TOM1L1: variants seen among roughly 807,000 people sequenced by gnomAD.
The protein encoded by TOM1L1 is target of myb1 like 1 membrane trafficking protein, also known as TOM1-like protein 1.
TOM1L1 carries 64 observed loss-of-function variants against 63.4 expected under a neutral mutation model. The observed-to-expected ratio is 1.01, with a 90% CI of 0.83 to 1.24. The LOEUF is 1.24. Ranked by LOEUF, TOM1L1 falls within the 50% of genes most tolerant of loss-of-function variation. TOM1L1 has a pLI of 0.00. For synonymous variants in TOM1L1, 166 were observed against 194.4 expected (o/e 0.85, Z 1.22); for missense variants, 536 against 567.0 (o/e 0.95, Z 0.55).
At chr17:54,912,928 G>A in intron 4 of TOM1L1, 113 bp downstream of exon 4, 4 of 978,892 alleles carry the variant, frequency 4.1e-6, no homozygotes, top group Non-Finnish European at 5.4e-6. Context: ...AGCTAGAAAA[G>A]CATTTTTGCT....
Position 54,930,093 on chromosome 17 carries a change from G to A in TOM1L1, c.741G>A (p.Arg247=), listed in dbSNP as rs370770986. The A allele has an allele frequency of 5.0e-6, 8 of 1,614,122 alleles. 1 individual carries two copies. In the African/African-American group the frequency reaches 9.3e-5, roughly 19 times the overall value. The change falls in exon 8 of 16, where the codon CGG becomes CGA. Residue 247 remains arginine (R), a synonymous_variant. Transcript: ENST00000575882. ...ELLQKLYKTG[R]EMQERIMDLL... ...GACAGAAACTCTATAAAACAGGTCGGGAGATGCAGGAGAGGATCATGGACC... is the reference window on the plus strand; with the variant it reads ...GACAGAAACTCTATAAAACAGGTCGAGAGATGCAGGAGAGGATCATGGACC...
chr17:54,920,713 C>T (rs1464200128), intron 7 of TOM1L1, among the ~76,000 whole-genome samples: 4 of 152,200 alleles, frequency 2.6e-5, no homozygotes, highest in Non-Finnish European at 5.9e-5. Context: ...GCCGCTAAGT[C>T]AGGAGCAGGG....
At position 54,936,700 on chromosome 17, in the gene TOM1L1, A is replaced by G. The variant is rs1297185765; in HGVS notation, c.906A>G (p.Glu302=). ...TGGAGCAAAATAAGAACCAGAAGGA[A>G]GCCACCAATGTAAGTGATGAGAAAT... ...RILEQNKNQK[E]ATNTTSEPSA... The change falls in exon 9 of 16, where the codon GAA becomes GAG. Residue 302 remains glutamate (E), a synonymous_variant. Transcript: ENST00000575882. 1.2e-6 allele frequency: 2 copies of G among 1,608,410 alleles called. No homozygotes were observed. The highest frequency in any genetic ancestry group is 3.4e-5 in the Admixed American group (2 of 58,340).
intron 14 of TOM1L1, 59 bp downstream of exon 14, chr17:54,950,185 G>C (rs2049194796): frequency 6.8e-6 from 9 of 1,321,538 alleles, no homozygotes; most frequent in African/African-American, 1.5e-5. Flanking sequence ...TGATAGCAGA[G>C]CTAACAGGGC....
intron 2 of TOM1L1, among the ~76,000 whole-genome samples, chr17:54,904,568 A>C (rs1253761439): frequency 6.6e-6 from 1 of 152,200 alleles, no homozygotes; most frequent in African/African-American, 2.4e-5. Context: ...TCCCTGTCCC[A>C]GGACAATTTT....
chr17:54,908,556 C>T (rs78745336), intron 3 of TOM1L1, among the ~76,000 whole-genome samples: 4,206 of 152,160 alleles, frequency 0.028, 138 homozygotes, highest in African/African-American at 0.077. Context: ...CTGTCAAATT[C>T]GATTATAAAT....
chr17:54,955,460 A>G (rs2049453004), intron 14 of TOM1L1, among the ~76,000 whole-genome samples: 1 of 152,164 alleles, frequency 6.6e-6, no homozygotes, highest in African/African-American at 2.4e-5. Context: ...GGGTCTCCTC[A>G]TCAAACTAAC....
chr17:54,920,865 A>T (rs1449209959), intron 7 of TOM1L1, among the ~76,000 whole-genome samples: 1 of 152,228 alleles, frequency 6.6e-6, no homozygotes, highest in Non-Finnish European at 1.5e-5. Flanking sequence ...GAAGGCAGGC[A>T]GCCTCATCCC....
intron 3 of TOM1L1, among the ~76,000 whole-genome samples, chr17:54,909,934 C>CT (rs1598005823): frequency 6.6e-6 from 1 of 152,272 alleles, no homozygotes; most frequent in East Asian, 1.9e-4. Context: ...TATTACTTAT[C>CT]TGAGTGAGTT....
chr17:54,952,911 T>A (rs553464939), intron 14 of TOM1L1: 1 of 152,358 alleles, frequency 6.6e-6, no homozygotes, highest in South Asian at 2.1e-4. Flanking sequence ...GAGAATGGGA[T>A]GTTTGGGGAA....
intron 5 of TOM1L1, 31 bp from the exon 6 acceptor site, chr17:54,914,608 A>G: frequency 6.4e-7 from 1 of 1,574,330 alleles, no homozygotes; most frequent in Non-Finnish European, 8.7e-7. Flanking sequence ...GTTAATTCAC[A>G]TAATAATATT....
intron 8 of TOM1L1, among the ~76,000 whole-genome samples, chr17:54,935,224 C>T (rs892218717): frequency 6.6e-6 from 1 of 151,544 alleles, no homozygotes; most frequent in Non-Finnish European, 1.5e-5. Flanking sequence ...GGGTAGGTAG[C>T]GAAAAATTAT....
chr17:54,929,577 T>C (rs1233506869), intron 7 of TOM1L1, among the ~76,000 whole-genome samples: 1 of 152,238 alleles, frequency 6.6e-6, no homozygotes, highest in Admixed American at 6.5e-5. Context: ...TAACTACTTC[T>C]GCTACTGCTA....
intron 14 of TOM1L1, chr17:54,956,816 G>T (rs2049530894): frequency 6.6e-6 from 1 of 152,042 alleles, no homozygotes; most frequent in African/African-American, 2.4e-5. Context: ...CTCCAAAGCA[G>T]GAAAGTGACA....
intron 11 of TOM1L1, among the ~76,000 whole-genome samples, chr17:54,943,462 G>GTGTGTGTGTGTGTGTGTGTGTGTGTT (rs2143928590): frequency 1.3e-5 from 2 of 151,284 alleles, no homozygotes; most frequent in South Asian, 4.2e-4. Flanking sequence ...GTGTGTGTGT[G>GTGTGTGTGTGTGTGTGTGTGTGTGTT]TGTGTGTGTG....
chr17:54,912,920 C>G, intron 4 of TOM1L1, 105 bp downstream of exon 4: 1 of 1,036,456 alleles, frequency 9.6e-7, no homozygotes, highest in Non-Finnish European at 1.3e-6. Flanking sequence ...TAGGATTGAG[C>G]TAGAAAAGCA....
intron 7 of TOM1L1, among the ~76,000 whole-genome samples, chr17:54,920,028 C>T (rs1189450170): frequency 4.0e-5 from 6 of 150,682 alleles, no homozygotes; most frequent in African/African-American, 7.3e-5. Flanking sequence ...CATTTTTTCC[C>T]CCTCTAACCC....
At chr17:54,901,659 G>A (rs1024491772) in intron 1 of TOM1L1, among the ~76,000 whole-genome samples, 1 of 152,060 alleles carries the variant, frequency 6.6e-6, no homozygotes, top group African/African-American at 2.4e-5. Context: ...TTGGGAATTG[G>A]GTGTGGCACG....
At chr17:54,911,890 T>C (rs991717288) in intron 3 of TOM1L1, among the ~76,000 whole-genome samples, 4 of 152,136 alleles carry the variant, frequency 2.6e-5, no homozygotes, top group African/African-American at 7.2e-5. Flanking sequence ...AACTTCATAG[T>C]GCCTTCAAGA....
Sources: gnomAD v4.1 joint callset for allele counts (sites outside exome capture counted in the v4.1 genomes callset) on GRCh38, gnomAD v4.1.1 for gene constraint, MANE v1.5 for transcripts, NCBI Gene and HGNC (gene_info 2026-07-23, HGNC 2026-07-21) for gene names.